Variants in CTSB observed in about 807,000 individuals in gnomAD.
CTSB encodes APP secretase.
Under a neutral mutation model 44.3 loss-of-function variants are expected in CTSB, and 57 were observed. The ratio of observed to expected loss-of-function variants is 1.29; its 90% CI spans 1.04 to 1.60. The LOEUF (loss-of-function observed/expected upper bound fraction) is 1.60. Among genes scored for constraint, CTSB ranks in the 40% most tolerant of loss-of-function variants. CTSB has a pLI of 0.00. For missense variants in CTSB, 768 were observed against 443.0 expected (o/e 1.73, Z -6.59); for synonymous variants, 320 against 168.0 (o/e 1.91, Z -7.00).
intron 1 of CTSB, 113 bp downstream of exon 1, chr8:11,867,888 G>C (rs1586226881): frequency 6.6e-6 from 1 of 152,032 alleles, no homozygotes; most frequent in Non-Finnish European, 1.5e-5. Flanking sequence ...GGACGCCGCG[G>C]GGCCGCGCCT....
intron 1 of CTSB, among the ~76,000 whole-genome samples, chr8:11,857,099 C>G (rs28651155): frequency 0.063 from 9,629 of 152,212 alleles, 575 homozygotes; most frequent in African/African-American, 0.16. Flanking sequence ...TCTTGGCTCA[C>G]TGAAACCTCT....
chr8:11,853,397 T>C lies in CTSB; in HGVS notation c.58A>G (p.Arg20Gly). ...CLLVLANARS[R>G]PSFHPLSDEL... ...TCCGACAGGGGATGGAAAGAGGGCC[T>C]GCTCCGGGCATTGGCCAACACCAGC... The change falls in exon 2 of 10, where the codon AGG becomes GGG. Residue 20 changes from arginine to glycine, a missense_variant. Physicochemically the swap from Arg to Gly is moderately radical, Grantham distance 125. Transcript: ENST00000353047. 1 of 1,612,882 alleles carries C rather than the reference T, an allele frequency of 6.2e-7. No homozygotes were observed. Among genetic ancestry groups the C allele is most frequent in the South Asian group, 1.1e-5 (1 of 90,988 alleles).
intron 1 of CTSB, among the ~76,000 whole-genome samples, chr8:11,866,346 C>G (rs1281872188): frequency 2.0e-5 from 3 of 152,244 alleles, no homozygotes; most frequent in Non-Finnish European, 4.4e-5. Flanking sequence ...TGAGCCAACA[C>G]CCAGGAGAGC....
At chr8:11,853,219 C>A in intron 2 of CTSB, 110 bp downstream of exon 2, 1 of 1,476,846 alleles carries the variant, frequency 6.8e-7, no homozygotes, top group Non-Finnish European at 9.2e-7. Context: ...TTCAACAGTC[C>A]AGGACAATGT....
At chr8:11,846,805 A>G (rs375388954) in intron 8 of CTSB, among the ~76,000 whole-genome samples, 59 of 152,256 alleles carry the variant, frequency 3.9e-4, no homozygotes, top group African/African-American at 1.4e-3. Flanking sequence ...ATGGGAAGGA[A>G]CTAGCCCAGA....
intron 4 of CTSB, chr8:11,849,596 T>C (rs919072671): frequency 6.8e-6 from 1 of 147,644 alleles, no homozygotes; most frequent in Non-Finnish European, 1.5e-5. Flanking sequence ...TTTTTTTTCC[T>C]GGAGGCGGAG....
intron 1 of CTSB, among the ~76,000 whole-genome samples, chr8:11,859,558 C>T (rs955995031): frequency 2.6e-5 from 4 of 151,506 alleles, no homozygotes; most frequent in Admixed American, 1.3e-4. Flanking sequence ...GTCAGGAGTT[C>T]GAGACCAGCC....
intron 1 of CTSB, chr8:11,864,242 G>A (rs756679430): frequency 1.4e-5 from 2 of 147,926 alleles, no homozygotes; most frequent in Non-Finnish European, 3.0e-5. Context: ...GCCTAAGTGG[G>A]AGGAGGCAAG....
In CTSB at chr8:11,851,024, T is replaced by G. The variant is rs759121940; in HGVS notation, c.213-44A>C. ...TCATTACAAGCTCTGATCCCACAAC[T>G]CCCTCCCCAATCCCTGCAAAGGCCA... On this transcript the variant is annotated intron_variant, in intron 3 of 9. Coordinates refer to ENST00000353047, the MANE Select transcript of CTSB (RefSeq NM_001908.5). The G allele has an allele frequency of 9.7e-6, 14 of 1,448,208 alleles. No individual in the cohort carries two copies. In the East Asian group the frequency reaches 3.3e-4, roughly 34 times the overall value. The allele number at this position is 1,448,208 out of a possible 1,614,324, so 89.7% of individuals were successfully genotyped here. A position where few individuals can be genotyped will look rare whatever the true frequency, so the allele number is the denominator to read the frequency against.
intron 3 of CTSB, among the ~76,000 whole-genome samples, chr8:11,851,271 C>T (rs1417432051): frequency 3.3e-5 from 5 of 152,112 alleles, no homozygotes; most frequent in African/African-American, 9.7e-5. Context: ...CCCACTGCAA[C>T]CTCTGCCTCC....
intron 1 of CTSB, among the ~76,000 whole-genome samples, chr8:11,859,909 C>A (rs1278612823): frequency 1.3e-5 from 2 of 151,176 alleles, no homozygotes; most frequent in Admixed American, 6.6e-5. Context: ...CCTGTCTCTA[C>A]TAAAAATACA....
intron 1 of CTSB, chr8:11,867,257 G>T (rs905931824): frequency 6.6e-6 from 1 of 152,136 alleles, no homozygotes; most frequent in East Asian, 1.9e-4. Context: ...TACTAACCGA[G>T]GGGGAGGTGG....
intron 9 of CTSB, 81 bp downstream of exon 9, chr8:11,845,580 G>GGTAGAACAGA (rs1331705940): frequency 2.0e-6 from 3 of 1,527,070 alleles, no homozygotes; most frequent in Non-Finnish European, 2.7e-6. Context: ...CTGTGCGGTG[G>GGTAGAACAGA]GTAGAACAGA....
chr8:11,857,649 C>A (rs951551548), intron 1 of CTSB, among the ~76,000 whole-genome samples: 1 of 152,192 alleles, frequency 6.6e-6, no homozygotes, highest in Non-Finnish European at 1.5e-5. Context: ...CGTGGCCATT[C>A]CCTGGAGTCC....
At chr8:11,866,732 C>T (rs1189168696) in intron 1 of CTSB, among the ~76,000 whole-genome samples, 1 of 152,144 alleles carries the variant, frequency 6.6e-6, no homozygotes, top group Non-Finnish European at 1.5e-5. Flanking sequence ...TGGTGGCGGG[C>T]ACCTGTAATC....
chr8:11,845,810 T>C (rs1554540503), intron 8 of CTSB, 21 bp from the exon 9 acceptor site: 2 of 1,601,568 alleles, frequency 1.2e-6, no homozygotes, highest in South Asian at 2.2e-5. Context: ...AAGAACTGGC[T>C]GAGACCGAGA....
rs1812595441 is a variant in CTSB at position 11,843,277 on chromosome 8, T to A, written c.*1848A>T. 3 of 152,156 alleles carry A rather than the reference T, an allele frequency of 2.0e-5. No individual in the cohort carries two copies. Among genetic ancestry groups the A allele is most frequent in the South Asian group, 2.1e-4 (1 of 4,830 alleles). 9.4% of individuals were successfully genotyped at this position (152,156 alleles called of 1,614,324 possible). A position where few individuals can be genotyped will look rare whatever the true frequency, so the allele number is the denominator to read the frequency against. ...GCTCATCATGGCACTTAAGAGATGC[T>A]TAACAAACCTTTCCTACAATGTTCC... On this transcript the variant is annotated 3_prime_UTR_variant, in exon 10 of 10. Coordinates refer to ENST00000353047, the MANE Select transcript of CTSB (RefSeq NM_001908.5).
At chr8:11,847,627 C>T in intron 7 of CTSB, 52 bp downstream of exon 7, 7 of 1,495,824 alleles carry the variant, frequency 4.7e-6, no homozygotes, top group Admixed American at 2.5e-5. Flanking sequence ...AGGAGGGATG[C>T]AGCAGCTCCC....
rs527582940 is a variant in CTSB at position 11,853,061 on chromosome 8, C to T, written c.126+268G>A. Among the ~76,000 whole-genome samples, 41 of 152,206 alleles carry T rather than the reference C, an allele frequency of 2.7e-4. No homozygotes were observed. In the South Asian group the frequency reaches 7.3e-3, roughly 27 times the overall value. The stretch of plus-strand genomic sequence containing the variant: ...GGGGCTAGCTGGTTTTGAACACTTC[C>T]GAAGCTCACTTACTCCCCCACACAC... On this transcript the variant is annotated intron_variant, in intron 2 of 9. Coordinates refer to ENST00000353047, the MANE Select transcript of CTSB (RefSeq NM_001908.5).
Sources: gnomAD v4.1 joint callset for allele counts (sites outside exome capture counted in the v4.1 genomes callset) on GRCh38, gnomAD v4.1.1 for gene constraint, MANE v1.5 for transcripts, NCBI Gene and HGNC (gene_info 2026-07-23, HGNC 2026-07-21) for gene names.